RB1CC1: variants seen among roughly 807,000 people sequenced by gnomAD.
RB1CC1 encodes RB1-inducible coiled-coil protein 1.
RB1CC1 carries 46 observed loss-of-function variants against 177.5 expected under a neutral mutation model. That is an observed-to-expected ratio of 0.26 (90% CI 0.20 to 0.33). The LOEUF is 0.33. Ranked by LOEUF, RB1CC1 falls within the 10% of genes least tolerant of loss-of-function variation. RB1CC1 has a pLI of 1.00. For synonymous variants in RB1CC1, 666 were observed against 613.6 expected, an observed-to-expected ratio of 1.09 and a Z score of -1.26; for missense variants, 1,703 against 1,816.3, an observed-to-expected ratio of 0.94 and a Z score of 1.13.
chr8:52,623,565 C>CA lies in RB1CC1; in HGVS notation c.*216dup. 1.8e-6 allele frequency: 1 copy of CA among 542,742 alleles called. No individual in the cohort carries two copies. The highest frequency in any genetic ancestry group is 3.4e-6 in the Non-Finnish European group (1 of 295,284). 33.6% of individuals were successfully genotyped at this position (542,742 alleles called of 1,614,324 possible). A position where few individuals can be genotyped will look rare whatever the true frequency, so the allele number is the denominator to read the frequency against. On this transcript the variant is annotated 3_prime_UTR_variant, in exon 24 of 24. Coordinates refer to ENST00000025008, the MANE Select transcript of RB1CC1 (RefSeq NM_014781.5). ...GAGTTGTCTGGGTAAAAAAAAAAAC[C>CA]AAAAAACAAAAACCATTTTAATTCA...
intron 1 of RB1CC1, among the ~76,000 whole-genome samples, chr8:52,688,964 G>C (rs1854560005): frequency 6.6e-6 from 1 of 152,154 alleles, no homozygotes; most frequent in Non-Finnish European, 1.5e-5. Context: ...GTGGTACTTG[G>C]CAGATAAGTC....
chr8:52,627,335 A>AG (rs1403252153), intron 22 of RB1CC1, among the ~76,000 whole-genome samples: 1 of 152,208 alleles, frequency 6.6e-6, no homozygotes, highest in Non-Finnish European at 1.5e-5. Context: ...CGACAGAGCA[A>AG]GACTCCGTTT....
At chr8:52,626,427 T>C (rs1848394667) in intron 22 of RB1CC1, among the ~76,000 whole-genome samples, 1 of 152,110 alleles carries the variant, frequency 6.6e-6, no homozygotes, top group South Asian at 2.1e-4. Flanking sequence ...AGATGTAACT[T>C]ATCATCATAC....
rs201767568 is a variant in RB1CC1 at position 52,657,363 on chromosome 8, A to C, written c.2466T>G (p.Phe822Leu). 8.7e-6 allele frequency: 14 copies of C among 1,614,042 alleles called. No homozygotes were observed. In the East Asian group the frequency reaches 1.3e-4, roughly 15 times the overall value. The change falls in exon 15 of 24, where the codon TTT becomes TTG. Residue 822 changes from phenylalanine to leucine, a missense_variant. Physicochemically the swap from Phe to Leu is conservative, Grantham distance 22 (BLOSUM62 0). Coordinates refer to ENST00000025008, the MANE Select transcript of RB1CC1 (RefSeq NM_014781.5). Reference protein sequence around the residue: ...IQTIKEDLCHFRTFVQKEQCD... With the variant: ...IQTIKEDLCHLRTFVQKEQCD... ...ACTGTTCTTTTTGTACAAATGTTCTAAAGTGGCAAAGGTCTTCCTTAATGG... is the reference window on the plus strand; with the variant it reads ...ACTGTTCTTTTTGTACAAATGTTCTCAAGTGGCAAAGGTCTTCCTTAATGG...
intron 1 of RB1CC1, among the ~76,000 whole-genome samples, chr8:52,711,146 C>A (rs1857031673): frequency 6.6e-6 from 1 of 152,088 alleles, no homozygotes; most frequent in Non-Finnish European, 1.5e-5. Flanking sequence ...ATTCCACAAT[C>A]CTCAAAGCAC....
At chr8:52,666,926 G>A (rs1323675281) in intron 8 of RB1CC1, among the ~76,000 whole-genome samples, 1 of 152,144 alleles carries the variant, frequency 6.6e-6, no homozygotes, top group Non-Finnish European at 1.5e-5. Flanking sequence ...TGAAAGAGAA[G>A]GAAAAGCAAG....
chr8:52,672,839 T>C (rs112929300), intron 7 of RB1CC1, among the ~76,000 whole-genome samples: 5 of 152,202 alleles, frequency 3.3e-5, no homozygotes, highest in African/African-American at 1.2e-4. Context: ...GGCCACTACA[T>C]TGTCAATAGT....
At chr8:52,671,417 A>T (rs1852587368) in intron 7 of RB1CC1, among the ~76,000 whole-genome samples, 3 of 152,216 alleles carry the variant, frequency 2.0e-5, no homozygotes, top group African/African-American at 7.2e-5. Context: ...ATCAGATATC[A>T]GGTAGGTTAG....
At chr8:52,666,171 TA>T (rs201053107) in intron 8 of RB1CC1, among the ~76,000 whole-genome samples, 10 of 149,774 alleles carry the variant, frequency 6.7e-5, no homozygotes, top group African/African-American at 1.7e-4. Flanking sequence ...TTTTTCTTAT[TA>T]AAAAAAAAAT....
At chr8:52,635,104 T>C (rs1849035172) in intron 19 of RB1CC1, 136 bp from the exon 20 acceptor site, 1 of 720,174 alleles carries the variant, frequency 1.4e-6, no homozygotes, top group East Asian at 2.9e-5. Flanking sequence ...TTATTTTCTA[T>C]GAATTCTTTC....
At chr8:52,662,976 T>C (rs992474034) in intron 8 of RB1CC1, among the ~76,000 whole-genome samples, 12 of 152,054 alleles carry the variant, frequency 7.9e-5, no homozygotes, top group Non-Finnish European at 1.6e-4. Context: ...TAGTAAAGGA[T>C]TTCCTGACAC....
intron 1 of RB1CC1, among the ~76,000 whole-genome samples, chr8:52,712,245 T>C (rs1488495960): frequency 6.6e-6 from 1 of 152,200 alleles, no homozygotes; most frequent in Non-Finnish European, 1.5e-5. Flanking sequence ...TTATCAGCCA[T>C]TCTTTTAAAA....
At position 52,657,186 on chromosome 8, in the gene RB1CC1, T is replaced by A. The variant is rs1429680814; in HGVS notation, c.2643A>T (p.Leu881=). The change falls in exon 15 of 24, where the codon CTA becomes CTT. Residue 881 remains leucine (L), a synonymous_variant. Transcript: ENST00000025008. ...TTTCATTCTCTTCAGTTTCCTTTATTAGTCCGTCAAGTTTACCTTCATATT... is the reference window on the plus strand; with the variant it reads ...TTTCATTCTCTTCAGTTTCCTTTATAAGTCCGTCAAGTTTACCTTCATATT... ...KNEYEGKLDG[L]IKETEENENK... is the part of the protein sequence containing the mutation. 1 of 1,603,994 alleles carries A rather than the reference T, an allele frequency of 6.2e-7. No homozygotes were observed. The highest frequency in any genetic ancestry group is 1.1e-5 in the South Asian group (1 of 90,520).
rs142829475 is a variant in RB1CC1 at position 52,659,153 on chromosome 8, C to A, written c.1690-177G>T. On this transcript the variant is annotated intron_variant, in intron 12 of 23. Transcript: ENST00000025008. The stretch of plus-strand genomic sequence containing the variant: ...AGATATGGCATATTATTTTCCTGAG[C>A]CTTTAGTAAACTGCGACGTGAACTG... 3.3e-5 allele frequency among the ~76,000 whole-genome samples: 5 copies of A among 152,170 alleles called. No individual in the cohort carries two copies. The East Asian group carries it at 9.7e-4, about 29-fold the overall frequency.
At chr8:52,700,890 C>T (rs1855985301) in intron 1 of RB1CC1, among the ~76,000 whole-genome samples, 1 of 152,160 alleles carries the variant, frequency 6.6e-6, no homozygotes, top group Non-Finnish European at 1.5e-5. Flanking sequence ...TAACAACAAC[C>T]ACTGCAGGCA....
Position 52,633,657 on chromosome 8 carries a change from T to A in RB1CC1, c.4440+1264A>T, listed in dbSNP as rs141037511. Among the ~76,000 whole-genome samples, 138 of 152,360 alleles carry A rather than the reference T, an allele frequency of 9.1e-4. 3 individuals carry two copies. The East Asian group carries it at 0.023, about 26-fold the overall frequency. On this transcript the variant is annotated intron_variant, in intron 20 of 23. Transcript: ENST00000025008. The stretch of plus-strand genomic sequence containing the variant: ...GCACTGAACAGAAGCCTTAAACTGT[T>A]CCTACTACCTTGTAAACTGTAATTA...
intron 6 of RB1CC1, among the ~76,000 whole-genome samples, chr8:52,675,067 T>C (rs533348217): frequency 3.8e-4 from 58 of 152,272 alleles, no homozygotes; most frequent in African/African-American, 1.3e-3. Flanking sequence ...TTAACTTCTA[T>C]AAAATGATGT....
intron 6 of RB1CC1, among the ~76,000 whole-genome samples, chr8:52,675,620 C>T (rs763537703): frequency 2.0e-5 from 3 of 150,912 alleles, no homozygotes; most frequent in African/African-American, 7.3e-5. Context: ...CCTGTAATCC[C>T]GGCACTTTGG....
At chr8:52,690,208 A>G (rs899863467) in intron 1 of RB1CC1, among the ~76,000 whole-genome samples, 1 of 152,256 alleles carries the variant, frequency 6.6e-6, no homozygotes, top group African/African-American at 2.4e-5. Flanking sequence ...CCAAAAGCAT[A>G]GGCTTTATCT....
Sources: gnomAD v4.1 joint callset for allele counts (sites outside exome capture counted in the v4.1 genomes callset) on GRCh38, gnomAD v4.1.1 for gene constraint, MANE v1.5 for transcripts, NCBI Gene and HGNC (gene_info 2026-07-23, HGNC 2026-07-21) for gene names.